HS6ST3: variants seen among roughly 807,000 people sequenced by gnomAD.
HS6ST3 encodes the protein heparan-sulfate 6-O-sulfotransferase 3.
In HS6ST3, 12 loss-of-function variants were observed where a neutral mutation model predicts 36.7. The observed-to-expected ratio is 0.33, with a 90% CI of 0.21 to 0.53. The LOEUF is 0.53. Among genes scored for constraint, HS6ST3 ranks in the 20% least tolerant of loss-of-function variants. The probability of loss-of-function intolerance (pLI) is 0.95; values close to 1 mark genes in which losing one functional copy is unlikely to be tolerated. For missense variants in HS6ST3, 584 were observed against 640.9 expected (o/e 0.91, Z 0.96); for synonymous variants, 240 against 257.5 (o/e 0.93, Z 0.65).
intron 1 of HS6ST3, among the ~76,000 whole-genome samples, chr13:96,724,515 T>C (rs1875949921): frequency 6.6e-6 from 1 of 152,222 alleles, no homozygotes; most frequent in South Asian, 2.1e-4. Context: ...TTGTGATTTC[T>C]TCTGTTGGCT....
chr13:96,586,978 G>A (rs2056363763), intron 1 of HS6ST3, among the ~76,000 whole-genome samples: 1 of 152,064 alleles, frequency 6.6e-6, no homozygotes, highest in Non-Finnish European at 1.5e-5. Flanking sequence ...TATATAGTAT[G>A]CGATAAGGGT....
intron 1 of HS6ST3, among the ~76,000 whole-genome samples, chr13:96,660,144 C>T (rs1438424715): frequency 1.3e-4 from 19 of 151,916 alleles, no homozygotes; most frequent in Non-Finnish European, 5.9e-5. Flanking sequence ...ATGAAGAAAG[C>T]CTCTATTTTG....
rs546742225 is a variant in HS6ST3, at chr13:96,319,469, C to T, written c.707+227900C>T. On this transcript the variant is annotated intron_variant, in intron 1 of 1. Coordinates refer to ENST00000376705, the MANE Select transcript of HS6ST3 (RefSeq NM_153456.4). ...TTGCCATAAACATTCATGTATGAGT[C>T]TTTGGGCATATTTTTTAAAATTTCT... Among the ~76,000 whole-genome samples, 9 of 152,194 alleles carry T rather than the reference C, an allele frequency of 5.9e-5. No homozygotes were observed. The East Asian group carries it at 1.5e-3, about 26-fold the overall frequency.
intron 1 of HS6ST3, among the ~76,000 whole-genome samples, chr13:96,555,794 T>TA (rs1161011795): frequency 1.3e-5 from 2 of 150,992 alleles, no homozygotes; most frequent in African/African-American, 4.9e-5. Context: ...AAAGACTCTT[T>TA]AAACAGATGG....
intron 1 of HS6ST3, among the ~76,000 whole-genome samples, chr13:96,785,112 T>C (rs993909331): frequency 6.6e-6 from 1 of 151,938 alleles, no homozygotes; most frequent in African/African-American, 2.4e-5. Flanking sequence ...GAGGTTGTAG[T>C]GAACTGAGAT....
intron 1 of HS6ST3, among the ~76,000 whole-genome samples, chr13:96,260,072 G>A (rs79538180): frequency 0.017 from 2,548 of 151,872 alleles, 24 homozygotes; most frequent in Non-Finnish European, 0.027. Flanking sequence ...ATCTTCTTTT[G>A]TTGCTACTGT....
chr13:96,609,798 A>G (rs1386646415), intron 1 of HS6ST3, among the ~76,000 whole-genome samples: 5 of 152,386 alleles, frequency 3.3e-5, no homozygotes, highest in African/African-American at 4.8e-5. Flanking sequence ...CCATTAAAAC[A>G]TACTTCAATT....
chr13:96,115,480 T>G (rs2053889829), intron 1 of HS6ST3, among the ~76,000 whole-genome samples: 1 of 152,282 alleles, frequency 6.6e-6, no homozygotes, highest in East Asian at 1.9e-4. Context: ...CTCCCACTTA[T>G]GAGTGAGAAC....
At chr13:96,153,764 T>A (rs1239437082) in intron 1 of HS6ST3, among the ~76,000 whole-genome samples, 1 of 152,226 alleles carries the variant, frequency 6.6e-6, no homozygotes, top group East Asian at 1.9e-4. Context: ...ATGTAATCAG[T>A]GATGTCAACC....
intron 1 of HS6ST3, among the ~76,000 whole-genome samples, chr13:96,415,247 G>A (rs1294761619): frequency 1.2e-4 from 19 of 152,068 alleles, no homozygotes; most frequent in Non-Finnish European, 2.6e-4. Flanking sequence ...CAGAGGGAGT[G>A]GGAACCTATG....
chr13:96,412,333 G>A (rs1369340165), intron 1 of HS6ST3, among the ~76,000 whole-genome samples: 1 of 152,140 alleles, frequency 6.6e-6, no homozygotes, highest in East Asian at 1.9e-4. Flanking sequence ...GAGAAGTCCA[G>A]CAGAGGACTG....
chr13:96,657,917 A>T (rs1460365195), intron 1 of HS6ST3, among the ~76,000 whole-genome samples: 1 of 152,158 alleles, frequency 6.6e-6, no homozygotes, highest in Non-Finnish European at 1.5e-5. Context: ...TGAGACATTG[A>T]TCCTGAGGAA....
intron 1 of HS6ST3, among the ~76,000 whole-genome samples, chr13:96,778,583 T>A (rs1055555215): frequency 1.3e-5 from 2 of 152,174 alleles, no homozygotes; most frequent in Non-Finnish European, 2.9e-5. Flanking sequence ...TCATCATCAC[T>A]GGTCATTAGA....
chr13:96,466,899 A>G (rs1188149644), intron 1 of HS6ST3, among the ~76,000 whole-genome samples: 2 of 152,238 alleles, frequency 1.3e-5, no homozygotes, highest in Non-Finnish European at 2.9e-5. Flanking sequence ...TGGTCACAGT[A>G]GAAGATAGTG....
intron 1 of HS6ST3, among the ~76,000 whole-genome samples, chr13:96,219,637 C>G (rs908751044): frequency 6.6e-6 from 1 of 152,002 alleles, no homozygotes; most frequent in African/African-American, 2.4e-5. Flanking sequence ...AAAGTGTGGA[C>G]GATGGAGCAA....
At chr13:96,725,203 C>CT (rs1193920384) in intron 1 of HS6ST3, among the ~76,000 whole-genome samples, 1 of 152,030 alleles carries the variant, frequency 6.6e-6, no homozygotes, top group Non-Finnish European at 1.5e-5. Context: ...AATGTTTTGT[C>CT]TATTTTTATT....
At chr13:96,399,263 G>A (rs1384995873) in intron 1 of HS6ST3, among the ~76,000 whole-genome samples, 1 of 152,160 alleles carries the variant, frequency 6.6e-6, no homozygotes, top group African/African-American at 2.4e-5. Flanking sequence ...TTTAAAAAGT[G>A]CTATTCATAG....
chr13:96,768,509 G>C (rs999340343), intron 1 of HS6ST3, among the ~76,000 whole-genome samples: 2 of 152,096 alleles, frequency 1.3e-5, no homozygotes, highest in African/African-American at 4.8e-5. Context: ...ACAGTTGTTA[G>C]GGTATAGAAT....
intron 1 of HS6ST3, among the ~76,000 whole-genome samples, chr13:96,297,814 C>T (rs931583542): frequency 3.3e-5 from 5 of 152,028 alleles, no homozygotes; most frequent in African/African-American, 9.7e-5. Context: ...TTCATAAGCT[C>T]GCATACTCAT....
Sources: gnomAD v4.1 joint callset for allele counts (sites outside exome capture counted in the v4.1 genomes callset) on GRCh38, gnomAD v4.1.1 for gene constraint, MANE v1.5 for transcripts, NCBI Gene and HGNC (gene_info 2026-07-23, HGNC 2026-07-21) for gene names.